The following MMP26 variants were observed in gnomAD, a reference collection of about 807,000 sequenced individuals.
The protein encoded by MMP26 is matrix metallopeptidase 26, also known as matrix metalloproteinase-26.
MMP26 carries 33 observed loss-of-function variants against 31.0 expected under a neutral mutation model. The ratio of observed to expected loss-of-function variants is 1.06; its 90% CI spans 0.81 to 1.42. The LOEUF is 1.42. Among genes scored for constraint, MMP26 ranks in the 40% most tolerant of loss-of-function variants. MMP26 has a pLI of 0.00. For missense variants in MMP26, 347 were observed against 316.1 expected, an observed-to-expected ratio of 1.10 and a Z score of -0.74; for synonymous variants, 122 against 114.9, an observed-to-expected ratio of 1.06 and a Z score of -0.40.
chr11:4,939,028 G>C (rs749951268), intron 2 of MMP26, among the ~76,000 whole-genome samples: 2 of 152,130 alleles, frequency 1.3e-5, no homozygotes, highest in South Asian at 2.1e-4. Context: ...TTTCTTCCTT[G>C]AATTGAGTTG....
At chr11:4,716,994 C>T (rs901925887) in intron 1 of MMP26, among the ~76,000 whole-genome samples, 4 of 152,096 alleles carry the variant, frequency 2.6e-5, no homozygotes, top group South Asian at 2.1e-4. Flanking sequence ...CCTTTTGGTA[C>T]GTTTTATCTC....
intron 2 of MMP26, among the ~76,000 whole-genome samples, chr11:4,775,931 A>T (rs1196970641): frequency 6.6e-6 from 1 of 152,110 alleles, no homozygotes; most frequent in Non-Finnish European, 1.5e-5. Flanking sequence ...GTAATTTATT[A>T]TTATTCATGC....
chr11:4,944,075 G>A, intron 2 of MMP26: 1 of 449,516 alleles, frequency 2.2e-6, no homozygotes, highest in South Asian at 1.6e-5. Flanking sequence ...CTGCTTGGTT[G>A]TACTACAACC....
intron 2 of MMP26, among the ~76,000 whole-genome samples, chr11:4,831,238 A>T (rs1849642347): frequency 6.6e-6 from 1 of 152,146 alleles, no homozygotes. Context: ...ACACGTGGCC[A>T]TCCTCTCTGC....
At chr11:4,947,704 G>T (rs190651416) in intron 2 of MMP26, 2,686 of 125,444 alleles carry the variant, frequency 0.021, 763 homozygotes, top group South Asian at 0.037. Flanking sequence ...GGATTACTGA[G>T]TTCTCTGGGG....
Position 4,988,221 on chromosome 11 carries a change from G to T in MMP26, c.10G>T (p.Val4Phe), listed in dbSNP as rs373784834. 9 of 1,614,002 alleles carry T rather than the reference G, an allele frequency of 5.6e-6. No individual in the cohort carries two copies. The highest frequency in any genetic ancestry group is 7.6e-6 in the Non-Finnish European group (9 of 1,179,946). The change falls in exon 3 of 8, where the codon GTC becomes TTC. Residue 4 changes from valine to phenylalanine, a missense_variant. Physicochemically the swap from Val to Phe is conservative, Grantham distance 50. Coordinates refer to ENST00000380390, the MANE Select transcript of MMP26 (RefSeq NM_021801.5). MQL[V>F]ILRVTIFLPW... ...CAAATGAGGGTTTGGCATGCAGCTC[G>T]TCATCTTAAGAGTTACTATCTTCTT... is the stretch of plus-strand genomic sequence containing the variant.
intron 2 of MMP26, among the ~76,000 whole-genome samples, chr11:4,986,932 C>CCCTCTCTCTCT (rs1846903256): frequency 2.3e-4 from 14 of 60,436 alleles, no homozygotes; most frequent in Admixed American, 1.0e-3. Context: ...TCTCTCTCTC[C>CCCTCTCTCTCT]CTCTCTCTCT....
intron 2 of MMP26, among the ~76,000 whole-genome samples, chr11:4,956,767 T>G (rs1846449783): frequency 6.6e-6 from 1 of 152,188 alleles, no homozygotes; most frequent in African/African-American, 2.4e-5. Context: ...TTTTCTCCCT[T>G]ACCAAATCTT....
intron 2 of MMP26, among the ~76,000 whole-genome samples, chr11:4,837,795 T>A (rs1444516595): frequency 6.6e-6 from 1 of 152,074 alleles, no homozygotes; most frequent in South Asian, 2.1e-4. Flanking sequence ...GAAAGAACAA[T>A]TGAGGCTCTG....
chr11:4,885,796 A>G (rs760391647), intron 2 of MMP26, among the ~76,000 whole-genome samples: 1 of 152,134 alleles, frequency 6.6e-6, no homozygotes, highest in Non-Finnish European at 1.5e-5. Context: ...ATTATTCTCT[A>G]TTAAGTTACA....
At chr11:4,940,365 C>T (rs1047228681) in intron 2 of MMP26, among the ~76,000 whole-genome samples, 7 of 152,100 alleles carry the variant, frequency 4.6e-5, no homozygotes, top group Non-Finnish European at 1.0e-4. Flanking sequence ...TTCTACAATA[C>T]GCTTAATCTC....
chr11:4,919,914 A>T (rs79486035), intron 2 of MMP26, among the ~76,000 whole-genome samples: 1 of 152,104 alleles, frequency 6.6e-6, no homozygotes, highest in Admixed American at 6.6e-5. Flanking sequence ...TCCACTCAGA[A>T]CTCAGTCCTT....
chr11:4,773,575 A>T (rs1427396879), intron 2 of MMP26, among the ~76,000 whole-genome samples: 1 of 151,024 alleles, frequency 6.6e-6, no homozygotes, highest in South Asian at 2.1e-4. Flanking sequence ...ACAGGAATTC[A>T]GAGGTGTAGT....
rs1036501221 is a variant in MMP26, at chr11:4,760,566, G to A, written c.-216-6704G>A. 5.3e-5 allele frequency among the ~76,000 whole-genome samples: 8 copies of A among 152,162 alleles called. 1 individual carries two copies. Among genetic ancestry groups the A allele is most frequent in the Middle Eastern group, 6.3e-3 (2 of 316 alleles). On this transcript the variant is annotated intron_variant, in intron 1 of 7. Transcript: ENST00000380390. Reference sequence around the variant, plus strand: ...AACATTGAGCCAGTTTCCTTGCTACGTATCTCTACATGTGTAACTTTAACA... The same window carrying A: ...AACATTGAGCCAGTTTCCTTGCTACATATCTCTACATGTGTAACTTTAACA...
intron 1 of MMP26, among the ~76,000 whole-genome samples, chr11:4,762,926 G>A (rs1445953093): frequency 6.6e-6 from 1 of 152,054 alleles, no homozygotes; most frequent in African/African-American, 2.4e-5. Flanking sequence ...ATAGAGTGGT[G>A]GTACAATCCC....
At chr11:4,875,347 T>C (rs1850365504) in intron 2 of MMP26, 2 of 152,244 alleles carry the variant, frequency 1.3e-5, no homozygotes, top group Non-Finnish European at 1.5e-5. Context: ...CTGTTTTCTA[T>C]TGCTGCCATA....
intron 1 of MMP26, among the ~76,000 whole-genome samples, chr11:4,766,166 G>T (rs923490251): frequency 1.3e-5 from 2 of 152,066 alleles, no homozygotes; most frequent in Non-Finnish European, 2.9e-5. Flanking sequence ...GCTATTCTTC[G>T]GGTTATAGTC....
chr11:4,760,604 G>A (rs897935731), intron 1 of MMP26, among the ~76,000 whole-genome samples: 2 of 152,160 alleles, frequency 1.3e-5, no homozygotes, highest in Non-Finnish European at 2.9e-5. Flanking sequence ...ATCATTAATA[G>A]GCTGTGACTA....
chr11:4,742,232 A>C (rs1848324088), intron 1 of MMP26, among the ~76,000 whole-genome samples: 1 of 152,256 alleles, frequency 6.6e-6, no homozygotes, highest in Admixed American at 6.5e-5. Context: ...AATCACAACA[A>C]AGTCCCTGAC....
Sources: gnomAD v4.1 joint callset for allele counts (sites outside exome capture counted in the v4.1 genomes callset) on GRCh38, gnomAD v4.1.1 for gene constraint, MANE v1.5 for transcripts, NCBI Gene and HGNC (gene_info 2026-07-23, HGNC 2026-07-21) for gene names.